TMOD3: variants seen among roughly 807,000 people sequenced by gnomAD.
TMOD3 encodes the protein tropomodulin-3.
Under a neutral mutation model 39.2 loss-of-function variants are expected in TMOD3, and 20 were observed. The ratio of observed to expected loss-of-function variants is 0.51; its 90% CI spans 0.36 to 0.74. TMOD3 has a LOEUF of 0.74. Ranked by LOEUF, TMOD3 falls within the 30% of genes least tolerant of loss-of-function variation. TMOD3 has a pLI of 0.00. For synonymous variants in TMOD3, 143 were observed against 145.8 expected (o/e 0.98, Z 0.14); for missense variants, 381 against 412.8 (o/e 0.92, Z 0.67).
At chr15:51,878,376 A>ATATGTGTGTGTGTGTGTGTGTGTG (rs112690572) in intron 3 of TMOD3, among the ~76,000 whole-genome samples, 3 of 147,318 alleles carry the variant, frequency 2.0e-5, no homozygotes, top group African/African-American at 7.6e-5. Context: ...TTTAAAATAT[A>ATATGTGTGTGTGTGTGTGTGTGTG]TGTGTGTGTG....
chr15:51,904,219 T>C (rs1179581316), intron 9 of TMOD3, among the ~76,000 whole-genome samples: 1 of 152,238 alleles, frequency 6.6e-6, no homozygotes, highest in African/African-American at 2.4e-5. Flanking sequence ...CCTCTACTTA[T>C]CACAGCATTT....
chr15:51,833,368 C>G (rs1005632936), intron 1 of TMOD3: 2 of 152,222 alleles, frequency 1.3e-5, no homozygotes, highest in African/African-American at 4.8e-5. Flanking sequence ...AAGCACATTG[C>G]TACTTTGTAT....
chr15:51,843,488 G>T (rs953524436), intron 1 of TMOD3, among the ~76,000 whole-genome samples: 1 of 152,194 alleles, frequency 6.6e-6, no homozygotes, highest in African/African-American at 2.4e-5. Flanking sequence ...CAGTGTTTTA[G>T]GTGACTGTAG....
intron 3 of TMOD3, among the ~76,000 whole-genome samples, chr15:51,871,150 C>A (rs373830997): frequency 6.6e-6 from 1 of 152,160 alleles, no homozygotes; most frequent in Non-Finnish European, 1.5e-5. Flanking sequence ...CTAACCATCA[C>A]GCTACTGTTA....
At chr15:51,865,716 A>T (rs1333622726) in intron 2 of TMOD3, among the ~76,000 whole-genome samples, 1 of 152,162 alleles carries the variant, frequency 6.6e-6, no homozygotes, top group East Asian at 1.9e-4. Context: ...AGAACCAGGT[A>T]AGAAAAGAGG....
chr15:51,840,280 CTT>C (rs1361087097), intron 1 of TMOD3, among the ~76,000 whole-genome samples: 1 of 152,152 alleles, frequency 6.6e-6, no homozygotes, highest in African/African-American at 2.4e-5. Flanking sequence ...AGTCTCTGCG[CTT>C]AATTGCTTAT....
At chr15:51,897,052 T>C (rs2056624298) in intron 7 of TMOD3, among the ~76,000 whole-genome samples, 1 of 152,264 alleles carries the variant, frequency 6.6e-6, no homozygotes, top group African/African-American at 2.4e-5. Flanking sequence ...ATAAACCTTT[T>C]GTTTCATTGG....
At chr15:51,900,789 G>A (rs1277643945) in intron 8 of TMOD3, among the ~76,000 whole-genome samples, 2 of 152,168 alleles carry the variant, frequency 1.3e-5, no homozygotes, top group African/African-American at 4.8e-5. Flanking sequence ...AGGTGGAAAA[G>A]AGGATTATGT....
intron 1 of TMOD3, among the ~76,000 whole-genome samples, chr15:51,848,083 C>T (rs1281487078): frequency 1.3e-5 from 2 of 152,126 alleles, no homozygotes; most frequent in African/African-American, 4.8e-5. Flanking sequence ...TGGGCTCGCA[C>T]CTGACTCTGA....
At chr15:51,899,990 C>T (rs1253864292) in intron 7 of TMOD3, among the ~76,000 whole-genome samples, 165 bp from the exon 8 acceptor site, 1 of 152,210 alleles carries the variant, frequency 6.6e-6, no homozygotes, top group Non-Finnish European at 1.5e-5. Context: ...CCAACAAATA[C>T]TGAGGGACAA....
At chr15:51,853,327 A>G (rs922399679) in intron 1 of TMOD3, among the ~76,000 whole-genome samples, 5 of 152,118 alleles carry the variant, frequency 3.3e-5, no homozygotes, top group African/African-American at 9.6e-5. Flanking sequence ...TCGGCCTCCT[A>G]CTAGCTGGGC....
In TMOD3 at chr15:51,850,922, CAG is replaced by C. The variant is rs1438491459; in HGVS notation, c.-74-11888_-74-11887del. 3.9e-5 allele frequency among the ~76,000 whole-genome samples: 6 copies of C among 152,176 alleles called. No individual in the cohort carries two copies. In the South Asian group the frequency reaches 8.3e-4, roughly 21 times the overall value. On this transcript the variant is annotated intron_variant, in intron 1 of 9. Transcript: ENST00000308580. ...TTAATTTTTGTATTTTTAGGAGAGA[CAG>C]GGGTTTCACCATGTTGGTGAAGCTG... is the stretch of plus-strand genomic sequence containing the variant.
At chr15:51,859,840 A>G (rs1414846632) in intron 1 of TMOD3, 2 of 520,296 alleles carry the variant, frequency 3.8e-6, no homozygotes, top group African/African-American at 3.9e-5. Flanking sequence ...GTTATGGCAC[A>G]GCAACAACTC....
intron 5 of TMOD3, among the ~76,000 whole-genome samples, chr15:51,890,874 C>T (rs984601908): frequency 9.9e-5 from 15 of 152,122 alleles, no homozygotes; most frequent in Non-Finnish European, 1.2e-4. Context: ...ACCCAGTTTC[C>T]GCTGTTTTTA....
chr15:51,869,801 T>G (rs1465343841), intron 3 of TMOD3, among the ~76,000 whole-genome samples: 4 of 152,368 alleles, frequency 2.6e-5, no homozygotes, highest in Non-Finnish European at 5.9e-5. Context: ...CCCATCATTA[T>G]TAATTCATGG....
At chr15:51,829,887 G>C (rs1298115008) in intron 1 of TMOD3, 51 bp downstream of exon 1, 1 of 152,340 alleles carries the variant, frequency 6.6e-6, no homozygotes, top group African/African-American at 2.4e-5. Flanking sequence ...GCGCGGGTAG[G>C]GAGTCGCACC....
intron 3 of TMOD3, among the ~76,000 whole-genome samples, chr15:51,886,776 G>A (rs1387587107): frequency 1.3e-5 from 2 of 152,280 alleles, no homozygotes; most frequent in South Asian, 2.1e-4. Flanking sequence ...AACCTTGTTC[G>A]TGTACGTTGA....
At chr15:51,855,490 G>T (rs1333345700) in intron 1 of TMOD3, among the ~76,000 whole-genome samples, 1 of 152,206 alleles carries the variant, frequency 6.6e-6, no homozygotes, top group African/African-American at 2.4e-5. Flanking sequence ...CTTAAGCTTT[G>T]CCTAACTTAC....
chr15:51,839,891 A>G (rs1161991406), intron 1 of TMOD3, among the ~76,000 whole-genome samples: 1 of 152,214 alleles, frequency 6.6e-6, no homozygotes, highest in East Asian at 1.9e-4. Flanking sequence ...AAGAGTGACA[A>G]TACAGTACAA....
Sources: gnomAD v4.1 joint callset for allele counts (sites outside exome capture counted in the v4.1 genomes callset) on GRCh38, gnomAD v4.1.1 for gene constraint, MANE v1.5 for transcripts, NCBI Gene and HGNC (gene_info 2026-07-23, HGNC 2026-07-21) for gene names.